The following FLT3 variants were observed in gnomAD, a reference collection of about 807,000 sequenced individuals.
FLT3 encodes receptor-type tyrosine-protein kinase FLT3.
Under a neutral mutation model 126.6 loss-of-function variants are expected in FLT3, and 46 were observed. The observed-to-expected ratio is 0.36, with a 90% CI of 0.29 to 0.46. The LOEUF is 0.46. Among genes scored for constraint, FLT3 ranks in the 20% least tolerant of loss-of-function variants. The pLI, the probability that FLT3 is intolerant of heterozygous loss-of-function variation, is 1.00. For synonymous variants in FLT3, 404 were observed against 434.4 expected, an observed-to-expected ratio of 0.93 and a Z score of 0.87; for missense variants, 1,069 against 1,190.3, an observed-to-expected ratio of 0.90 and a Z score of 1.50.
chr13:28,030,359 C>G (rs902431402), intron 15 of FLT3, among the ~76,000 whole-genome samples: 1 of 152,186 alleles, frequency 6.6e-6, no homozygotes, highest in Admixed American at 6.5e-5. Context: ...TTTTAGCATG[C>G]TTAGCTTCTT....
At position 28,016,476 on chromosome 13, in the gene FLT3, G is replaced by C. The variant is rs372595113; in HGVS notation, c.2542-775C>G. ...CGTAGAGACGGGATTTCACCATGTT[G>C]GCCAGGCTGGTCTTGAACTCCTGAC... On this transcript the variant is annotated intron_variant, in intron 20 of 23. Coordinates refer to ENST00000241453, the MANE Select transcript of FLT3 (RefSeq NM_004119.3). Among the ~76,000 whole-genome samples the C allele has an allele frequency of 9.2e-5, 14 of 152,058 alleles. No homozygotes were observed. The East Asian group carries it at 2.7e-3, about 29-fold the overall frequency.
chr13:28,090,406 G>T (rs1267970627), intron 1 of FLT3, among the ~76,000 whole-genome samples: 10 of 152,096 alleles, frequency 6.6e-5, no homozygotes, highest in Non-Finnish European at 1.5e-4. Context: ...GACTGTATTT[G>T]TTTCTTAAAC....
intron 1 of FLT3, among the ~76,000 whole-genome samples, chr13:28,088,573 C>A (rs1188899418): frequency 2.8e-5 from 4 of 144,362 alleles, no homozygotes; most frequent in African/African-American, 1.0e-4. Context: ...CAGGTGTGAG[C>A]CATCCAAAAC....
chr13:28,014,410 A>G lies in FLT3; in HGVS notation c.2859+42T>C, dbSNP rs771726006. On this transcript the variant is annotated intron_variant, in intron 23 of 23. Coordinates refer to ENST00000241453, the MANE Select transcript of FLT3 (RefSeq NM_004119.3). ...CAGCAACAAGTGTTTTAATTTACCA[A>G]TTTCCTTTGTAAAGCTTTATAAAGT... 6.5e-6 allele frequency: 9 copies of G among 1,381,560 alleles called. No homozygotes were observed. The Admixed American group carries it at 1.0e-4, about 16-fold the overall frequency. The allele number at this position is 1,381,560 out of a possible 1,614,324, so 85.6% of individuals were successfully genotyped here.
chr13:28,093,177 T>C (rs56134396), intron 1 of FLT3, among the ~76,000 whole-genome samples: 27,647 of 151,616 alleles, frequency 0.18, 4,506 homozygotes, highest in African/African-American at 0.44. Context: ...CCACTCACCT[T>C]GGCCTCCCAA....
intron 15 of FLT3, among the ~76,000 whole-genome samples, chr13:28,033,022 A>G (rs564613101): frequency 6.6e-6 from 1 of 152,196 alleles, no homozygotes; most frequent in African/African-American, 2.4e-5. Flanking sequence ...AAAGGGCCCC[A>G]GTTTTCTCTC....
intron 9 of FLT3, 68 bp from the exon 10 acceptor site, chr13:28,037,356 T>C (rs1873927501): frequency 4.4e-6 from 4 of 899,586 alleles, no homozygotes; most frequent in South Asian, 1.4e-5. Context: ...CTAATGACAG[T>C]GTGCATGGGA....
intron 1 of FLT3, among the ~76,000 whole-genome samples, chr13:28,086,619 C>CGTGTGT (rs35797346): frequency 0.036 from 4,836 of 134,738 alleles, 171 homozygotes; most frequent in African/African-American, 0.092. Flanking sequence ...CTGAAGAACT[C>CGTGTGT]GTGTGTGTGT....
Position 28,080,070 on chromosome 13 carries a change from C to T in FLT3, c.44-9458G>A, listed in dbSNP as rs1173094538. Among the ~76,000 whole-genome samples the T allele has an allele frequency of 8.5e-5, 13 of 152,264 alleles. No homozygotes were observed. In the South Asian group the frequency reaches 2.1e-3, roughly 24 times the overall value. ...CAGGACCCAAACACCTCCCACTAGGCTCCATCTAAAACACTGGGGATCTGG... is the reference window on the plus strand; with the variant it reads ...CAGGACCCAAACACCTCCCACTAGGTTCCATCTAAAACACTGGGGATCTGG... On this transcript the variant is annotated intron_variant, in intron 1 of 23. Transcript: ENST00000241453.
At chr13:28,012,841 G>C (rs372819533) in intron 23 of FLT3, among the ~76,000 whole-genome samples, 1 of 152,070 alleles carries the variant, frequency 6.6e-6, no homozygotes, top group South Asian at 2.1e-4. Context: ...GGAGGCTGAG[G>C]TGGGAGGATT....
intron 15 of FLT3, among the ~76,000 whole-genome samples, chr13:28,030,590 G>T (rs1873234065): frequency 6.6e-6 from 1 of 152,106 alleles, no homozygotes; most frequent in Non-Finnish European, 1.5e-5. Context: ...GGCAAGACGT[G>T]GGTCCCCGCG....
chr13:28,060,193 G>C (rs1876406147), intron 3 of FLT3, among the ~76,000 whole-genome samples: 1 of 142,646 alleles, frequency 7.0e-6, no homozygotes, highest in Admixed American at 7.3e-5. Flanking sequence ...TCAGGAGTTT[G>C]AGATCAGACT....
chr13:28,003,869 AT>A lies in FLT3; in HGVS notation c.*182del. 1.5e-6 allele frequency: 1 copy of A among 651,696 alleles called. No homozygotes were observed. The highest frequency in any genetic ancestry group is 2.6e-6 in the Non-Finnish European group (1 of 385,116). The allele number at this position is 651,696 out of a possible 1,614,324, so 40.4% of individuals were successfully genotyped here. On this transcript the variant is annotated 3_prime_UTR_variant, in exon 24 of 24. Coordinates refer to ENST00000241453, the MANE Select transcript of FLT3 (RefSeq NM_004119.3). Reference sequence around the variant, plus strand: ...GCTCCTCCTGCCTTGTGACAGGATGATTTGATTTTACAAAAGTCCCTTTGAA... The same window carrying A: ...GCTCCTCCTGCCTTGTGACAGGATGATTGATTTTACAAAAGTCCCTTTGAA...
intron 4 of FLT3, among the ~76,000 whole-genome samples, chr13:28,054,520 G>A (rs58274312): frequency 0.08 from 12,126 of 151,928 alleles, 1,607 homozygotes; most frequent in African/African-American, 0.27. Context: ...CCAGGAGTTC[G>A]AGACCAGCCT....
chr13:28,082,671 T>TTTTGTTTTGTTTTGC (rs1878409761), intron 1 of FLT3, among the ~76,000 whole-genome samples: 1 of 5,204 alleles, frequency 1.9e-4, no homozygotes, highest in Admixed American at 2.4e-3. Context: ...CCCAGCTAAT[T>TTTTGTTTTGTTTTGC]TTTGTTTTGT....
intron 9 of FLT3, among the ~76,000 whole-genome samples, chr13:28,044,657 T>A (rs1874698700): frequency 2.0e-5 from 3 of 152,182 alleles, no homozygotes; most frequent in Admixed American, 2.0e-4. Context: ...CCATCTTTCC[T>A]TTGCTGTGTG....
chr13:28,037,130 ATAAAAAATTAAGGAAT>A, intron 10 of FLT3, 39 bp downstream of exon 10: 1 of 1,067,506 alleles, frequency 9.4e-7, no homozygotes, highest in Non-Finnish European at 1.4e-6. Context: ...GTTAAGACTA[ATAAAAAATTAAGGAAT>A]TAAAAAATAA....
chr13:28,018,581 G>A lies in FLT3; in HGVS notation c.2427C>T (p.His809=), dbSNP rs1423376491. ...MEFLEFKSCV[H]RDLAARNVLV... is the part of the protein sequence containing the mutation. ...GCACGTTCCTGGCGGCCAGGTCTCT[G>A]TGAACACACTGTCAAGAATGACACC... The change falls in exon 20 of 24, where the codon CAC becomes CAT. Residue 809 remains histidine, a synonymous_variant. Transcript: ENST00000241453. 6.8e-6 allele frequency: 11 copies of A among 1,613,990 alleles called. No homozygotes were observed. Among genetic ancestry groups the A allele is most frequent in the African/African-American group, 2.7e-5 (2 of 74,936 alleles).
intron 20 of FLT3, among the ~76,000 whole-genome samples, chr13:28,016,118 A>C (rs1195073120): frequency 6.6e-6 from 1 of 152,152 alleles, no homozygotes; most frequent in Non-Finnish European, 1.5e-5. Flanking sequence ...AGGGGAGCCC[A>C]CGTCATCACT....
Sources: allele counts gnomAD v4.1 joint callset (sites outside exome capture counted in the v4.1 genomes callset), GRCh38; gene constraint gnomAD v4.1.1; transcripts MANE v1.5; gene names NCBI Gene and HGNC (gene_info 2026-07-23, HGNC 2026-07-21).